Variants in CPED1 observed in about 807,000 individuals in gnomAD.
The protein encoded by CPED1 is cadherin-like and PC-esterase domain-containing protein 1.
Under a neutral mutation model 128.2 loss-of-function variants are expected in CPED1, and 114 were observed. The observed-to-expected ratio is 0.89, with a 90% CI of 0.76 to 1.04. CPED1 has a LOEUF of 1.04. Among genes scored for constraint, CPED1 ranks in the 50% least tolerant of loss-of-function variants. The pLI is 0.00. For synonymous variants in CPED1, 462 were observed against 426.7 expected, an observed-to-expected ratio of 1.08 and a Z score of -1.02; for missense variants, 1,211 against 1,207.1, an observed-to-expected ratio of 1.00 and a Z score of -0.05.
At chr7:121,071,935 T>C (rs1794001405) in intron 5 of CPED1, among the ~76,000 whole-genome samples, 1 of 152,124 alleles carries the variant, frequency 6.6e-6, no homozygotes, top group African/African-American at 2.4e-5. Context: ...CTTACCACTT[T>C]ATAATCACTT....
At chr7:121,183,386 C>T (rs1406640765) in intron 16 of CPED1, among the ~76,000 whole-genome samples, 1 of 152,128 alleles carries the variant, frequency 6.6e-6, no homozygotes, top group African/African-American at 2.4e-5. Flanking sequence ...TTAACTTGAA[C>T]ATAGGTTTGA....
chr7:121,090,503 A>G (rs1794546727), intron 5 of CPED1, among the ~76,000 whole-genome samples: 1 of 152,244 alleles, frequency 6.6e-6, no homozygotes. Flanking sequence ...TAGTAATACA[A>G]TAATGTCAGA....
chr7:121,156,912 A>G (rs1306825021), intron 16 of CPED1, among the ~76,000 whole-genome samples: 1 of 152,196 alleles, frequency 6.6e-6, no homozygotes, highest in African/African-American at 2.4e-5. Context: ...GCCACCACTA[A>G]TGATGCTAGA....
intron 2 of CPED1, among the ~76,000 whole-genome samples, chr7:121,007,231 A>ATTTTTTT (rs398006038): frequency 6.9e-5 from 9 of 129,818 alleles, no homozygotes; most frequent in East Asian, 2.3e-4. Flanking sequence ...TTCAGGTTGC[A>ATTTTTTT]TTTTTTTTTT....
intron 5 of CPED1, among the ~76,000 whole-genome samples, chr7:121,091,044 T>A (rs1794561071): frequency 6.6e-6 from 1 of 152,034 alleles, no homozygotes; most frequent in South Asian, 2.1e-4. Context: ...CTGAAATAGT[T>A]CCTGGAGTTT....
Position 121,160,509 on chromosome 7 carries a change from T to C in CPED1, c.2055+18368T>C, listed in dbSNP as rs116346579. 5.3e-3 allele frequency among the ~76,000 whole-genome samples: 811 copies of C among 152,284 alleles called. 6 individuals carry two copies. The highest frequency in any genetic ancestry group is 0.018 in the African/African-American group (764 of 41,546). ...TCCATGATTTCTCCTCTTAAGGTAA[T>C]CACCTGTGAAGCTTAGAGATGACTT... On this transcript the variant is annotated intron_variant, in intron 16 of 22. Coordinates refer to ENST00000310396, the MANE Select transcript of CPED1 (RefSeq NM_024913.5).
intron 18 of CPED1, among the ~76,000 whole-genome samples, chr7:121,245,663 T>C (rs1393146338): frequency 6.6e-6 from 1 of 152,060 alleles, no homozygotes; most frequent in African/African-American, 2.4e-5. Flanking sequence ...AGTAATTCAC[T>C]GATGATCATA....
intron 22 of CPED1, among the ~76,000 whole-genome samples, chr7:121,291,918 T>C (rs1276439897): frequency 6.6e-6 from 1 of 152,240 alleles, no homozygotes; most frequent in Non-Finnish European, 1.5e-5. Context: ...GCCCATTCAG[T>C]ATGATACTGG....
chr7:121,197,331 T>TA (rs1797293780), intron 16 of CPED1, among the ~76,000 whole-genome samples: 1 of 152,146 alleles, frequency 6.6e-6, no homozygotes, highest in South Asian at 2.1e-4. Flanking sequence ...CTGCCAGGGA[T>TA]AAAAAAATAA....
At chr7:121,086,848 GTTTACCCTCTCTCC>G (rs1020808756) in intron 5 of CPED1, among the ~76,000 whole-genome samples, 23 of 152,202 alleles carry the variant, frequency 1.5e-4, no homozygotes, top group Admixed American at 1.3e-4. Flanking sequence ...ACATTCTTGA[GTTTACCCTCTCTCC>G]TAATGGAAAA....
chr7:120,997,922 C>T (rs1249309463), intron 2 of CPED1, among the ~76,000 whole-genome samples: 1 of 110,062 alleles, frequency 9.1e-6, no homozygotes, highest in African/African-American at 4.0e-5. Flanking sequence ...AACTCGGTCT[C>T]GAAAAAAAAT....
intron 2 of CPED1, among the ~76,000 whole-genome samples, chr7:121,009,597 C>A: frequency 7.2e-6 from 1 of 138,874 alleles, no homozygotes; most frequent in Non-Finnish European, 1.6e-5. Flanking sequence ...ACAGAGCCAG[C>A]CCCTGTCTCA....
chr7:121,098,787 TATAAAA>T, intron 6 of CPED1, among the ~76,000 whole-genome samples: 2 of 124,402 alleles, frequency 1.6e-5, no homozygotes. Context: ...TATAAAAATA[TATAAAA>T]ATATATATAA....
chr7:121,197,259 T>G (rs1797292468), intron 16 of CPED1, among the ~76,000 whole-genome samples: 1 of 152,114 alleles, frequency 6.6e-6, no homozygotes, highest in South Asian at 2.1e-4. Context: ...GCTCATTTAC[T>G]TACTGCTTTA....
chr7:120,998,070 TGCAC>T (rs1429155007), intron 2 of CPED1, among the ~76,000 whole-genome samples: 1 of 152,096 alleles, frequency 6.6e-6, no homozygotes, highest in Non-Finnish European at 1.5e-5. Flanking sequence ...GTCATGCAGC[TGCAC>T]ACTGAAGGAC....
intron 3 of CPED1, among the ~76,000 whole-genome samples, chr7:121,037,704 T>A (rs376687882): frequency 5.3e-5 from 8 of 152,142 alleles, no homozygotes; most frequent in Non-Finnish European, 1.0e-4. Context: ...GGAATTGCAT[T>A]GAGTTTGTAG....
intron 16 of CPED1, among the ~76,000 whole-genome samples, chr7:121,208,593 A>G (rs1196296165): frequency 6.6e-6 from 1 of 152,052 alleles, no homozygotes; most frequent in Non-Finnish European, 1.5e-5. Flanking sequence ...GGTGAATGGT[A>G]GAGTTAACAT....
intron 5 of CPED1, among the ~76,000 whole-genome samples, chr7:121,089,895 T>C (rs1794532129): frequency 6.6e-6 from 1 of 152,194 alleles, no homozygotes; most frequent in South Asian, 2.1e-4. Context: ...CCCTGGAAAA[T>C]TCATGCAGAA....
chr7:121,269,953 A>C (rs1364190304), intron 21 of CPED1, among the ~76,000 whole-genome samples: 6 of 152,112 alleles, frequency 3.9e-5, no homozygotes, highest in Admixed American at 6.6e-5. Flanking sequence ...CAGAAGGCTA[A>C]GGGAGAGCAA....
Sources: gnomAD v4.1 joint callset for allele counts (sites outside exome capture counted in the v4.1 genomes callset) on GRCh38, gnomAD v4.1.1 for gene constraint, MANE v1.5 for transcripts, NCBI Gene and HGNC (gene_info 2026-07-23, HGNC 2026-07-21) for gene names.